Variants in COL22A1 observed in about 807,000 individuals in gnomAD.
The protein encoded by COL22A1 is collagen type XXII alpha 1 chain.
COL22A1 carries 221 observed loss-of-function variants against 248.9 expected under a neutral mutation model. The observed-to-expected ratio is 0.89, with a 90% CI of 0.80 to 0.99. COL22A1 has a LOEUF of 0.99. Ranked by LOEUF, COL22A1 falls within the 50% of genes least tolerant of loss-of-function variation. COL22A1 has a pLI of 0.00. For synonymous variants in COL22A1, 891 were observed against 793.4 expected (o/e 1.12, Z -2.07); for missense variants, 2,240 against 2,179.0 (o/e 1.03, Z -0.56).
chr8:138,805,446 G>GTCT, intron 10 of COL22A1, among the ~76,000 whole-genome samples: 1 of 136,070 alleles, frequency 7.3e-6, no homozygotes, highest in Non-Finnish European at 1.6e-5. Flanking sequence ...GATGGTGTGT[G>GTCT]GTGTGTGTGA....
chr8:138,913,215 T>C (rs1486506704), intron 1 of COL22A1, among the ~76,000 whole-genome samples: 4 of 152,080 alleles, frequency 2.6e-5, no homozygotes, highest in Admixed American at 1.3e-4. Flanking sequence ...TTTCTCCTTT[T>C]ACTGCAAACT....
Position 138,878,145 on chromosome 8 carries a change from G to A in COL22A1, c.263C>T (p.Thr88Met), listed in dbSNP as rs369513330. 6.2e-7 allele frequency: 1 copy of A among 1,605,790 alleles called. No individual in the cohort carries two copies. Among genetic ancestry groups the A allele is most frequent in the Non-Finnish European group, 8.5e-7 (1 of 1,176,942 alleles). Residue 88 changes from threonine (T) to methionine (M), a missense_variant, in exon 3 of 65, where the codon ACG (threonine) becomes ATG (methionine). Physicochemically the swap from Thr to Met is moderately conservative, Grantham distance 81. Coordinates refer to ENST00000303045, the MANE Select transcript of COL22A1 (RefSeq NM_152888.3). ...GCCAAAGAGTCCCAACTCGAAGGCC[G>A]TGGTGGGCCGGTCGCTGTAGCGCAC... ...GVVRYSDRPT[T>M]AFELGLFGSQ...
Position 138,767,095 on chromosome 8 carries a change from G to A in COL22A1, c.1804-4629C>T, listed in dbSNP as rs533136572. ...CAGTTCCTTAGCAGCTCTGTCACTC[G>A]GTTTCTACAAATAAGGAGCATAATA... On this transcript the variant is annotated intron_variant, in intron 16 of 64. Transcript: ENST00000303045. Among the ~76,000 whole-genome samples, 12 of 152,246 alleles carry A rather than the reference G, an allele frequency of 7.9e-5. No homozygotes were observed. In the East Asian group the frequency reaches 9.7e-4, roughly 12 times the overall value.
chr8:138,692,702 G>A (rs938454502), intron 35 of COL22A1, among the ~76,000 whole-genome samples: 18 of 151,970 alleles, frequency 1.2e-4, no homozygotes, highest in Non-Finnish European at 2.5e-4. Flanking sequence ...CACTGTCCCC[G>A]GGTTTTGCAC....
intron 3 of COL22A1, among the ~76,000 whole-genome samples, chr8:138,866,372 G>A (rs1280697024): frequency 6.6e-6 from 1 of 152,024 alleles, no homozygotes; most frequent in Non-Finnish European, 1.5e-5. Flanking sequence ...TTACATAAAT[G>A]CACATTTATA....
intron 42 of COL22A1, among the ~76,000 whole-genome samples, chr8:138,663,012 T>TCTCACACACACACACA (rs1554737802): frequency 1.4e-5 from 2 of 140,770 alleles, no homozygotes. Flanking sequence ...CAGGACTCTG[T>TCTCACACACACACACA]CACTCACACA....
rs755919145 is a variant in COL22A1 at position 138,693,678 on chromosome 8, C to T, written c.2722G>A (p.Ala908Thr). 2 of 1,583,048 alleles carry T rather than the reference C, an allele frequency of 1.3e-6. No individual in the cohort carries two copies. The highest frequency in any genetic ancestry group is 2.3e-5 in the East Asian group (1 of 42,886). ...GPPGAKGQEG[A>T]HGAPGAAGNP... ...CCAGCTGCTCCAGGAGCCCCATGTG[C>T]ACCTTCCTGTCCCTTGGCACCCTGC... is the stretch of plus-strand genomic sequence containing the variant. Residue 908 changes from alanine to threonine, a missense_variant, in exon 35 of 65, where the codon GCA (alanine) becomes ACA (threonine). Physicochemically the swap from Ala to Thr is moderately conservative, Grantham distance 58 (BLOSUM62 0). Transcript: ENST00000303045.
intron 5 of COL22A1, among the ~76,000 whole-genome samples, chr8:138,831,024 G>T (rs1197684316): frequency 6.6e-6 from 1 of 152,110 alleles, no homozygotes; most frequent in Non-Finnish European, 1.5e-5. Context: ...AGCGATTATT[G>T]TCTTTGTTTC....
chr8:138,843,538 G>A (rs954255132), intron 4 of COL22A1, among the ~76,000 whole-genome samples: 2 of 152,140 alleles, frequency 1.3e-5, no homozygotes, highest in Non-Finnish European at 2.9e-5. Context: ...ATCCATGTTC[G>A]GGTAATTGGG....
chr8:138,611,704 A>C lies in COL22A1; in HGVS notation c.3978+2163T>G, dbSNP rs372267412. Among the ~76,000 whole-genome samples the C allele has an allele frequency of 1.2e-4, 18 of 152,346 alleles. No individual in the cohort carries two copies. In the East Asian group the frequency reaches 2.5e-3, roughly 21 times the overall value. ...GTTGATATCACCCCACTGAGAGCTC[A>C]CACCCAGGGAGCCTGGGCTTCAGCT... On this transcript the variant is annotated intron_variant, in intron 56 of 64. Transcript: ENST00000303045.
rs762725157 is a variant in COL22A1 at position 138,715,714 on chromosome 8, G to A, written c.2485C>T (p.Leu829Phe). The stretch of plus-strand genomic sequence containing the variant: ...CCTCGGTCACCTTTCAGTCCTGGAA[G>A]TCCCAGTTCACCTTTTTCTCCCTAT... Reference protein sequence around the residue: ...GDQGEKGELGLPGLKGDRGEK... With the variant: ...GDQGEKGELGFPGLKGDRGEK... Residue 829 changes from leucine (L) to phenylalanine (F), a missense_variant, in exon 30 of 65, where the codon CTT (leucine) becomes TTT (phenylalanine). Coordinates refer to ENST00000303045, the MANE Select transcript of COL22A1 (RefSeq NM_152888.3). 2 of 1,612,478 alleles carry A rather than the reference G, an allele frequency of 1.2e-6. No homozygotes were observed. Among genetic ancestry groups the A allele is most frequent in the Non-Finnish European group, 1.7e-6 (2 of 1,178,920 alleles).
At chr8:138,620,553 C>T (rs1447204195) in intron 52 of COL22A1, 3 of 152,202 alleles carry the variant, frequency 2.0e-5, no homozygotes, top group Non-Finnish European at 4.4e-5. Flanking sequence ...GACAGTCCTC[C>T]CTTGTAGGTC....
rs556578404 is a variant in COL22A1 at position 138,666,336 on chromosome 8, T to C, written c.3151-2596A>G. On this transcript the variant is annotated intron_variant, in intron 41 of 64. Coordinates refer to ENST00000303045, the MANE Select transcript of COL22A1 (RefSeq NM_152888.3). ...AAGGGGACTTCCAGCTATTGGTCTATATGCCAGGAGTGGTCCTATCTGCTC... is the reference window on the plus strand; with the variant it reads ...AAGGGGACTTCCAGCTATTGGTCTACATGCCAGGAGTGGTCCTATCTGCTC... 2.4e-4 allele frequency among the ~76,000 whole-genome samples: 36 copies of C among 152,350 alleles called. No homozygotes were observed. In the South Asian group the frequency reaches 4.4e-3, roughly 18 times the overall value.
At chr8:138,892,453 G>A (rs989876209) in intron 1 of COL22A1, among the ~76,000 whole-genome samples, 18 of 152,162 alleles carry the variant, frequency 1.2e-4, no homozygotes, top group African/African-American at 4.1e-4. Flanking sequence ...TTCACCAAAC[G>A]TGAGGTTTCT....
At chr8:138,837,001 G>C (rs1021204847) in intron 4 of COL22A1, among the ~76,000 whole-genome samples, 1 of 152,218 alleles carries the variant, frequency 6.6e-6, no homozygotes, top group East Asian at 1.9e-4. Context: ...CTGGGACAGT[G>C]AGGAAGTTAT....
At chr8:138,740,555 A>G (rs1448836764) in intron 22 of COL22A1, among the ~76,000 whole-genome samples, 1 of 152,220 alleles carries the variant, frequency 6.6e-6, no homozygotes, top group African/African-American at 2.4e-5. Flanking sequence ...CAGGACTTGT[A>G]AAAGGCATGA....
At chr8:138,830,617 T>C (rs1819967974) in intron 5 of COL22A1, among the ~76,000 whole-genome samples, 1 of 152,258 alleles carries the variant, frequency 6.6e-6, no homozygotes, top group African/African-American at 2.4e-5. Flanking sequence ...TCCCATGCTG[T>C]GTTCCACAGA....
At chr8:138,727,981 C>T (rs1830448105) in intron 23 of COL22A1, among the ~76,000 whole-genome samples, 1 of 152,142 alleles carries the variant, frequency 6.6e-6, no homozygotes, top group Admixed American at 6.5e-5. Flanking sequence ...CCTGCAGTGA[C>T]ACTCACAGCT....
intron 36 of COL22A1, 59 bp from the exon 37 acceptor site, chr8:138,689,029 G>T: frequency 1.4e-6 from 2 of 1,387,828 alleles, no homozygotes; most frequent in Non-Finnish European, 1.0e-6. Context: ...ACTCTTGGTG[G>T]CTCGTGACCC....
Sources: allele counts gnomAD v4.1 joint callset (sites outside exome capture counted in the v4.1 genomes callset), GRCh38; gene constraint gnomAD v4.1.1; transcripts MANE v1.5; gene names NCBI Gene and HGNC (gene_info 2026-07-23, HGNC 2026-07-21).